The following SPAG16 variants were observed in gnomAD, a reference collection of about 807,000 sequenced individuals.
SPAG16 encodes the protein sperm associated antigen 16, also known as sperm-associated antigen 16 protein.
In SPAG16, 86 loss-of-function variants were observed where a neutral mutation model predicts 80.4. The ratio of observed to expected loss-of-function variants is 1.07; its 90% CI spans 0.90 to 1.28. The LOEUF is 1.28. SPAG16 is among the 50% of genes most tolerant of loss of function. The pLI is 0.00. For missense variants in SPAG16, 870 were observed against 765.3 expected, an observed-to-expected ratio of 1.14 and a Z score of -1.61; for synonymous variants, 294 against 265.9, an observed-to-expected ratio of 1.11 and a Z score of -1.03.
chr2:214,355,057 C>T (rs1327485106), intron 15 of SPAG16, among the ~76,000 whole-genome samples: 2 of 151,962 alleles, frequency 1.3e-5, no homozygotes, highest in Non-Finnish European at 2.9e-5. Flanking sequence ...AGACCTAAAA[C>T]CATAAAAACC....
intron 11 of SPAG16, among the ~76,000 whole-genome samples, chr2:213,866,194 C>A (rs2075674585): frequency 6.6e-6 from 1 of 151,386 alleles, no homozygotes; most frequent in Non-Finnish European, 1.5e-5. Flanking sequence ...TTACCTAGCC[C>A]AAGGACAGAA....
At chr2:213,795,536 T>G (rs1263815319) in intron 10 of SPAG16, among the ~76,000 whole-genome samples, 1 of 152,220 alleles carries the variant, frequency 6.6e-6, no homozygotes, top group Non-Finnish European at 1.5e-5. Context: ...AATTTTCTGT[T>G]TGTTCATTCT....
intron 3 of SPAG16, among the ~76,000 whole-genome samples, chr2:213,309,028 A>G (rs2063073391): frequency 6.6e-6 from 1 of 152,152 alleles, no homozygotes; most frequent in Admixed American, 6.6e-5. Context: ...GTAATTTTAT[A>G]CAATATTTTA....
chr2:214,029,430 CG>C (rs1017038031), intron 13 of SPAG16, among the ~76,000 whole-genome samples: 4 of 151,850 alleles, frequency 2.6e-5, no homozygotes, highest in African/African-American at 4.8e-5. Flanking sequence ...TGGAGGGCTT[CG>C]AGCAAAGAGG....
At chr2:213,314,163 A>G (rs940843058) in intron 4 of SPAG16, among the ~76,000 whole-genome samples, 3 of 151,928 alleles carry the variant, frequency 2.0e-5, no homozygotes, top group Non-Finnish European at 2.9e-5. Flanking sequence ...TGAAATTCAT[A>G]TATATTCTCC....
chr2:214,292,699 G>C (rs1174602032), intron 15 of SPAG16, among the ~76,000 whole-genome samples: 1 of 152,070 alleles, frequency 6.6e-6, no homozygotes, highest in Non-Finnish European at 1.5e-5. Flanking sequence ...ATTTTTGGGA[G>C]GTGTCATATT....
At chr2:213,937,109 T>C (rs1464824729) in intron 12 of SPAG16, among the ~76,000 whole-genome samples, 1 of 152,096 alleles carries the variant, frequency 6.6e-6, no homozygotes, top group African/African-American at 2.4e-5. Flanking sequence ...CCAATAATGA[T>C]AAGATAGCAC....
intron 4 of SPAG16, among the ~76,000 whole-genome samples, chr2:213,314,996 GTATA>G (rs1040487073): frequency 5.3e-5 from 8 of 149,642 alleles, no homozygotes; most frequent in Admixed American, 4.6e-4. Context: ...ATCAGATAAA[GTATA>G]TAACACAAAA....
At chr2:214,217,255 T>C (rs1211382063) in intron 15 of SPAG16, among the ~76,000 whole-genome samples, 2 of 152,250 alleles carry the variant, frequency 1.3e-5, no homozygotes, top group African/African-American at 4.8e-5. Flanking sequence ...TTCCAATTGC[T>C]CTGCATACAT....
At chr2:213,679,161 C>G (rs2064254143) in intron 10 of SPAG16, among the ~76,000 whole-genome samples, 2 of 152,160 alleles carry the variant, frequency 1.3e-5, no homozygotes, top group African/African-American at 4.8e-5. Flanking sequence ...TAAATTTAAG[C>G]TTAGCCTGCA....
chr2:213,755,743 A>G (rs1381533961), intron 10 of SPAG16, among the ~76,000 whole-genome samples: 1 of 152,188 alleles, frequency 6.6e-6, no homozygotes, highest in Non-Finnish European at 1.5e-5. Context: ...GTCACAGTGA[A>G]GATGATAGGC....
chr2:213,379,899 G>A (rs965796577), intron 9 of SPAG16, among the ~76,000 whole-genome samples: 22 of 152,230 alleles, frequency 1.4e-4, no homozygotes, highest in Admixed American at 1.2e-3. Flanking sequence ...GGGGTGGCTG[G>A]GGAAAGAGGC....
chr2:214,084,831 G>T (rs897349186), intron 13 of SPAG16, among the ~76,000 whole-genome samples: 4 of 152,114 alleles, frequency 2.6e-5, no homozygotes, highest in African/African-American at 9.7e-5. Flanking sequence ...TTCTTGCCAA[G>T]GAATATTTTA....
chr2:214,031,483 A>G (rs2048410075), intron 13 of SPAG16, among the ~76,000 whole-genome samples: 1 of 139,892 alleles, frequency 7.1e-6, no homozygotes, highest in African/African-American at 2.6e-5. Context: ...ATTAGGAGAT[A>G]TACCTAATGC....
At chr2:213,363,158 A>G (rs1216939635) in intron 7 of SPAG16, among the ~76,000 whole-genome samples, 1 of 152,128 alleles carries the variant, frequency 6.6e-6, no homozygotes, top group Non-Finnish European at 1.5e-5. Flanking sequence ...TGAAAAATGT[A>G]TCATTACAAT....
chr2:213,969,467 A>G (rs2044895732), intron 12 of SPAG16, among the ~76,000 whole-genome samples: 4 of 152,176 alleles, frequency 2.6e-5, no homozygotes, highest in Admixed American at 2.6e-4. Context: ...TTGGGAGGTG[A>G]TTAAGTCATG....
At chr2:213,472,719 C>T (rs2125665106) in intron 9 of SPAG16, among the ~76,000 whole-genome samples, 1 of 152,186 alleles carries the variant, frequency 6.6e-6, no homozygotes, top group South Asian at 2.1e-4. Flanking sequence ...CACCACAATT[C>T]AGACCTGAGC....
intron 11 of SPAG16, among the ~76,000 whole-genome samples, chr2:213,894,466 C>T (rs1318971052): frequency 1.3e-5 from 2 of 152,090 alleles, no homozygotes; most frequent in African/African-American, 4.8e-5. Context: ...CTGCATATGA[C>T]AAGCCCATAG....
intron 10 of SPAG16, among the ~76,000 whole-genome samples, chr2:213,496,315 TG>T (rs1227535304): frequency 6.6e-6 from 1 of 152,136 alleles, no homozygotes; most frequent in Non-Finnish European, 1.5e-5. Flanking sequence ...CCAAGGTTTT[TG>T]GCCTGAGAAC....
Sources: gnomAD v4.1 joint callset for allele counts (sites outside exome capture counted in the v4.1 genomes callset) on GRCh38, gnomAD v4.1.1 for gene constraint, MANE v1.5 for transcripts, NCBI Gene and HGNC (gene_info 2026-07-23, HGNC 2026-07-21) for gene names.